SLC7A13: variants seen among roughly 807,000 people sequenced by gnomAD.
SLC7A13 encodes solute carrier family 7 member 13.
SLC7A13 carries 31 observed loss-of-function variants against 32.0 expected under a neutral mutation model. The observed-to-expected ratio is 0.97, with a 90% CI of 0.73 to 1.31. The LOEUF (loss-of-function observed/expected upper bound fraction) is 1.31, where lower values mean the gene tolerates loss of function less well. SLC7A13 is among the 50% of genes most tolerant of loss of function. SLC7A13 has a pLI of 0.00. For missense variants in SLC7A13, 633 were observed against 546.9 expected (o/e 1.16, Z -1.57); for synonymous variants, 232 against 206.9 (o/e 1.12, Z -1.04).
At chr8:86,223,965 A>G (rs965661463) in intron 1 of SLC7A13, among the ~76,000 whole-genome samples, 2 of 152,168 alleles carry the variant, frequency 1.3e-5, no homozygotes. Flanking sequence ...GTCCTGTACC[A>G]TTTGAAGCCC....
At position 86,230,067 on chromosome 8, in the gene SLC7A13, T is replaced by A; in HGVS notation, c.211A>T (p.Ser71Cys). 1.2e-6 allele frequency: 2 copies of A among 1,614,196 alleles called. No individual in the cohort carries two copies. Among genetic ancestry groups the A allele is most frequent in the Non-Finnish European group, 1.7e-6 (2 of 1,180,040 alleles). ...GCTCCACTGCATGGGAAGCTTATAC[T>A]TATCTCTGCAGAGCAAAGAGTTGAT... is the stretch of plus-strand genomic sequence containing the variant. Reference protein sequence around the residue: ...MTSTLCSAEISISFPCSGAQY... With the variant: ...MTSTLCSAEICISFPCSGAQY... The change falls in exon 1 of 4, where the codon AGT becomes TGT. Residue 71 changes from serine to cysteine, a missense_variant. Transcript: ENST00000297524.
rs753993927 is a variant in SLC7A13 at position 86,217,737 on chromosome 8, C to A, written c.912G>T (p.Leu304=). 26 of 1,612,948 alleles carry A rather than the reference C, an allele frequency of 1.6e-5. No individual in the cohort carries two copies. In the Admixed American group the frequency reaches 3.7e-4, roughly 23 times the overall value. ...GTCTCGATGATTTAAATATAGAAAT[C>A]AGAAGGTTGCTAAATAATGAGGTAG... ...AISTSLFSNL[L]ISIFKSSRPI... The change falls in exon 3 of 4, where the codon CTG becomes CTT. Residue 304 remains leucine (L), a synonymous_variant. Transcript: ENST00000297524.
chr8:86,226,326 C>T (rs1586149645), intron 1 of SLC7A13, among the ~76,000 whole-genome samples: 1 of 152,146 alleles, frequency 6.6e-6, no homozygotes, highest in Admixed American at 6.5e-5. Context: ...CCATGTAAAA[C>T]AGTAATCTCC....
rs766983729 is a variant in SLC7A13, at chr8:86,217,589, T to C, written c.1060A>G (p.Thr354Ala). ...VTLGSLAIILTSLIDLINYIF... is the reference protein window; with the variant it reads ...VTLGSLAIILASLIDLINYIF... Reference sequence around the variant, plus strand: ...TAGTTTATCAAATCAATTAGACTTGTTAAGATAATTGCAAGGGATCCCAAA... The same window carrying C: ...TAGTTTATCAAATCAATTAGACTTGCTAAGATAATTGCAAGGGATCCCAAA... The change falls in exon 3 of 4, where the codon ACA becomes GCA. Residue 354 changes from threonine (T) to alanine (A), a missense_variant. Transcript: ENST00000297524. 2.2e-5 allele frequency: 36 copies of C among 1,613,274 alleles called. No homozygotes were observed. Among genetic ancestry groups the C allele is most frequent in the African/African-American group, 5.3e-5 (4 of 74,866 alleles).
rs1366616684 is a variant in SLC7A13, at chr8:86,223,537, T to C, written c.686-434A>G. ...GGCTCTGTAATATTCTGTGGTATAT[T>C]ATACACACACACACTAGTGTTGTGA... On this transcript the variant is annotated intron_variant, in intron 1 of 3. Coordinates refer to ENST00000297524, the MANE Select transcript of SLC7A13 (RefSeq NM_138817.3). Among the ~76,000 whole-genome samples, 4 of 152,192 alleles carry C rather than the reference T, an allele frequency of 2.6e-5. No homozygotes were observed. In the South Asian group the frequency reaches 8.3e-4, roughly 32 times the overall value.
intron 2 of SLC7A13, among the ~76,000 whole-genome samples, chr8:86,221,572 G>T (rs1009419570): frequency 1.3e-5 from 2 of 151,864 alleles, no homozygotes; most frequent in Non-Finnish European, 2.9e-5. Flanking sequence ...CCACTAACTC[G>T]TCATCTAGCA....
At position 86,229,735 on chromosome 8, in the gene SLC7A13, G is replaced by C; in HGVS notation, c.543C>G (p.Phe181Leu). The change falls in exon 1 of 4, where the codon TTC becomes TTG. Residue 181 changes from phenylalanine (F) to leucine (L), a missense_variant. Coordinates refer to ENST00000297524, the MANE Select transcript of SLC7A13 (RefSeq NM_138817.3). ...LSFISLTGVV[F>L]LIRGKKENVE... is the part of the protein sequence containing the mutation. ...CATTCTCCTTTTTCCCTCTTATCAGGAACACTACTCCAGTTAGGGAAATGA... is the reference window on the plus strand; with the variant it reads ...CATTCTCCTTTTTCCCTCTTATCAGCAACACTACTCCAGTTAGGGAAATGA... 1 of 1,614,062 alleles carries C rather than the reference G, an allele frequency of 6.2e-7. No homozygotes were observed. The highest frequency in any genetic ancestry group is 8.5e-7 in the Non-Finnish European group (1 of 1,180,004).
chr8:86,222,873 A>C, intron 2 of SLC7A13, 99 bp downstream of exon 2: 1 of 1,185,286 alleles, frequency 8.4e-7, no homozygotes, highest in East Asian at 2.7e-5. Context: ...TTCCATATAT[A>C]GAATAATGAA....
rs112040953 is a variant in SLC7A13, at chr8:86,225,131, T to C, written c.686-2028A>G. Reference sequence around the variant, plus strand: ...TCCCCTTTTATTGTTTAAGTTAATGTATGTGGGTTTCTGCTACTTAAAACC... The same window carrying C: ...TCCCCTTTTATTGTTTAAGTTAATGCATGTGGGTTTCTGCTACTTAAAACC... On this transcript the variant is annotated intron_variant, in intron 1 of 3. Coordinates refer to ENST00000297524, the MANE Select transcript of SLC7A13 (RefSeq NM_138817.3). Among the ~76,000 whole-genome samples, 83 of 152,290 alleles carry C rather than the reference T, an allele frequency of 5.5e-4. 1 individual carries two copies. Among genetic ancestry groups the C allele is most frequent in the African/African-American group, 1.6e-3 (67 of 41,554 alleles).
intron 1 of SLC7A13, among the ~76,000 whole-genome samples, chr8:86,228,266 G>A (rs890422624): frequency 2.0e-5 from 3 of 152,106 alleles, no homozygotes; most frequent in South Asian, 2.1e-4. Flanking sequence ...TTCCTGTTTC[G>A]GGTGTCCAGG....
rs184750078 is a variant in SLC7A13, at chr8:86,222,339, G to A, written c.817+633C>T. On this transcript the variant is annotated intron_variant, in intron 2 of 3. Transcript: ENST00000297524. ...TTTCTTTCCAAATTTCTTTTTATTC[G>A]TTGATCTGTTACTCATTTTTCAATG... 1.9e-3 allele frequency among the ~76,000 whole-genome samples: 289 copies of A among 151,638 alleles called. 1 individual carries two copies. Among genetic ancestry groups the A allele is most frequent in the African/African-American group, 6.4e-3 (266 of 41,312 alleles).
chr8:86,226,766 A>G (rs955035619), intron 1 of SLC7A13, among the ~76,000 whole-genome samples: 2 of 151,802 alleles, frequency 1.3e-5, no homozygotes, highest in African/African-American at 4.8e-5. Flanking sequence ...TTTTGTAGTC[A>G]CCTGAGGTTG....
chr8:86,215,410 G>A (rs563582412), intron 3 of SLC7A13: 20 of 167,582 alleles, frequency 1.2e-4, no homozygotes, highest in South Asian at 1.1e-3. Context: ...CTTCTTGGCC[G>A]GGCACAGTTG....
At chr8:86,226,144 AAGT>A (rs1169880274) in intron 1 of SLC7A13, among the ~76,000 whole-genome samples, 2 of 152,172 alleles carry the variant, frequency 1.3e-5, no homozygotes, top group Admixed American at 6.5e-5. Flanking sequence ...TAAATTCTGT[AAGT>A]ATATTTTCAG....
At chr8:86,224,520 A>G (rs1007391254) in intron 1 of SLC7A13, among the ~76,000 whole-genome samples, 1 of 152,202 alleles carries the variant, frequency 6.6e-6, no homozygotes, top group Non-Finnish European at 1.5e-5. Context: ...TAAGTGCAAA[A>G]AAAGGCCAAA....
chr8:86,228,331 A>G (rs940423785), intron 1 of SLC7A13, among the ~76,000 whole-genome samples: 2 of 151,898 alleles, frequency 1.3e-5, no homozygotes, highest in African/African-American at 4.8e-5. Flanking sequence ...GGCTCCTATA[A>G]TCCTGGTTAC....
In SLC7A13 at chr8:86,229,799, T is replaced by C. The variant is rs762350458; in HGVS notation, c.479A>G (p.Gln160Arg). ...CACTTTCAGCACTGAGCTAGCTATC[T>C]GAAGCCAAGTCACTTCTTTCACACC... ...SRGVKEVTWL[Q>R]IASSVLKVSI... The change falls in exon 1 of 4, where the codon CAG (glutamine) becomes CGG (arginine). Residue 160 changes from glutamine to arginine, a missense_variant. By Grantham distance (43) the Gln-to-Arg change is conservative (BLOSUM62 1). Transcript: ENST00000297524. 89 of 1,614,104 alleles carry C rather than the reference T, an allele frequency of 5.5e-5. 1 individual carries two copies. The South Asian group carries it at 9.7e-4, about 18-fold the overall frequency.
chr8:86,218,730 A>G lies in SLC7A13; in HGVS notation c.818-899T>C, dbSNP rs1414757013. 3.3e-5 allele frequency among the ~76,000 whole-genome samples: 5 copies of G among 152,230 alleles called. No individual in the cohort carries two copies. In the East Asian group the frequency reaches 7.7e-4, roughly 24 times the overall value. ...TAAAAGTCCACAGGAACAAAACACA[A>G]CTGTGAAGAAAAGCATCCATTGTTT... On this transcript the variant is annotated intron_variant, in intron 2 of 3. Coordinates refer to ENST00000297524, the MANE Select transcript of SLC7A13 (RefSeq NM_138817.3).
At chr8:86,227,766 A>AT (rs1438222731) in intron 1 of SLC7A13, among the ~76,000 whole-genome samples, 1 of 152,220 alleles carries the variant, frequency 6.6e-6, no homozygotes, top group Non-Finnish European at 1.5e-5. Context: ...CCTAAAAAGA[A>AT]TGAGATCATG....
Sources: allele counts gnomAD v4.1 joint callset (sites outside exome capture counted in the v4.1 genomes callset), GRCh38; gene constraint gnomAD v4.1.1; transcripts MANE v1.5; gene names NCBI Gene and HGNC (gene_info 2026-07-23, HGNC 2026-07-21).